PBX1: variants seen among roughly 807,000 people sequenced by gnomAD.
PBX1 encodes pre-B-cell leukemia transcription factor 1.
PBX1 carries 6 observed loss-of-function variants against 53.4 expected under a neutral mutation model. The ratio of observed to expected loss-of-function variants is 0.11; its 90% CI spans 0.06 to 0.22. The LOEUF (loss-of-function observed/expected upper bound fraction) is 0.22, where lower values mean the gene tolerates loss of function less well. PBX1 is among the 10% of genes least tolerant of loss of function. The pLI, the probability that PBX1 is intolerant of heterozygous loss-of-function variation, is 1.00. For missense variants in PBX1, 251 were observed against 551.4 expected (o/e 0.46, Z 5.46); for synonymous variants, 204 against 212.3 (o/e 0.96, Z 0.34).
At chr1:164,786,897 T>A (rs972456396) in intron 2 of PBX1, among the ~76,000 whole-genome samples, 1 of 152,184 alleles carries the variant, frequency 6.6e-6, no homozygotes, top group African/African-American at 2.4e-5. Context: ...TGCTTTGCCT[T>A]TATAATCTTC....
chr1:164,801,956 G>A (rs1669100122), intron 4 of PBX1, among the ~76,000 whole-genome samples: 1 of 152,206 alleles, frequency 6.6e-6, no homozygotes, highest in African/African-American at 2.4e-5. Context: ...CTATAATTGG[G>A]AGAGAGAGCT....
At chr1:164,679,312 G>A (rs557338087) in intron 2 of PBX1, among the ~76,000 whole-genome samples, 16 of 152,142 alleles carry the variant, frequency 1.1e-4, no homozygotes, top group Non-Finnish European at 2.2e-4. Flanking sequence ...TTTGCACTGC[G>A]GAAGGATGAA....
chr1:164,584,232 G>A (rs537123484), intron 2 of PBX1, among the ~76,000 whole-genome samples: 14 of 152,098 alleles, frequency 9.2e-5, no homozygotes, highest in African/African-American at 2.4e-4. Flanking sequence ...AGTGCAGTAC[G>A]GTGCATACCT....
intron 2 of PBX1, among the ~76,000 whole-genome samples, chr1:164,719,077 C>A (rs960945533): frequency 6.6e-6 from 1 of 152,058 alleles, no homozygotes; most frequent in African/African-American, 2.4e-5. Flanking sequence ...GGCAATGACC[C>A]CGTCAGATCT....
intron 2 of PBX1, chr1:164,684,967 C>T (rs1468824587): frequency 1.3e-5 from 2 of 152,216 alleles, no homozygotes; most frequent in African/African-American, 4.8e-5. Context: ...AGAAAATTCA[C>T]TTATAGATAT....
At chr1:164,786,075 C>T (rs1668158415) in intron 2 of PBX1, among the ~76,000 whole-genome samples, 1 of 152,164 alleles carries the variant, frequency 6.6e-6, no homozygotes, top group Non-Finnish European at 1.5e-5. Flanking sequence ...TCTGGTACAA[C>T]TTGTAACTGG....
Position 164,811,970 on chromosome 1 carries a change from C to T in PBX1, c.838-20C>T, listed in dbSNP as rs1669634533. Reference sequence around the variant, plus strand: ...AAGGATGAAATGTGAACTTTCTCATCTTCTCTTAAACTACTCTAGGTATCA... The same window carrying T: ...AAGGATGAAATGTGAACTTTCTCATTTTCTCTTAAACTACTCTAGGTATCA... On this transcript the variant is annotated intron_variant, in intron 5 of 8. Coordinates refer to ENST00000420696, the MANE Select transcript of PBX1 (RefSeq NM_002585.4). 6.3e-7 allele frequency: 1 copy of T among 1,592,468 alleles called. No homozygotes were observed.
At chr1:164,635,327 G>A (rs1036621873) in intron 2 of PBX1, among the ~76,000 whole-genome samples, 3 of 152,008 alleles carry the variant, frequency 2.0e-5, no homozygotes, top group East Asian at 1.9e-4. Flanking sequence ...AGTGGGGGGC[G>A]AGGGGGGAGG....
intron 8 of PBX1, among the ~76,000 whole-genome samples, chr1:164,835,544 G>A (rs1299707159): frequency 6.6e-6 from 1 of 151,870 alleles, no homozygotes; most frequent in African/African-American, 2.4e-5. Context: ...ATTTTAACTT[G>A]TATCCCTTGG....
intron 2 of PBX1, among the ~76,000 whole-genome samples, chr1:164,624,022 C>T (rs1270845759): frequency 2.0e-5 from 3 of 152,092 alleles, no homozygotes; most frequent in East Asian, 1.9e-4. Context: ...GGTGTGAATG[C>T]CTGTGTGTAC....
intron 2 of PBX1, among the ~76,000 whole-genome samples, chr1:164,705,261 A>T (rs1217554087): frequency 6.6e-6 from 1 of 152,194 alleles, no homozygotes; most frequent in Non-Finnish European, 1.5e-5. Flanking sequence ...CCATTCATCT[A>T]TACAGTATTA....
chr1:164,724,112 C>A (rs1428445076), intron 2 of PBX1, among the ~76,000 whole-genome samples: 1 of 152,138 alleles, frequency 6.6e-6, no homozygotes, highest in Non-Finnish European at 1.5e-5. Context: ...CCTTCCCTGG[C>A]CCCAAAAGAA....
At chr1:164,765,531 C>T (rs956931886) in intron 2 of PBX1, among the ~76,000 whole-genome samples, 1 of 152,190 alleles carries the variant, frequency 6.6e-6, no homozygotes, top group Non-Finnish European at 1.5e-5. Flanking sequence ...CTAGTAAACA[C>T]AGGAGAGAAG....
intron 8 of PBX1, among the ~76,000 whole-genome samples, chr1:164,844,597 A>G (rs1223401412): frequency 6.6e-6 from 1 of 152,162 alleles, no homozygotes; most frequent in African/African-American, 2.4e-5. Flanking sequence ...AATTTCCCAA[A>G]TATTAGCGAT....
At chr1:164,866,562 G>A (rs1558052325) in intron 2 of PBX1, among the ~76,000 whole-genome samples, 1 of 152,350 alleles carries the variant, frequency 6.6e-6, no homozygotes. Context: ...GAGATATCAT[G>A]CTGATCCTGA....
chr1:164,741,081 T>C (rs1478733820), intron 2 of PBX1, among the ~76,000 whole-genome samples: 2 of 152,250 alleles, frequency 1.3e-5, no homozygotes, highest in African/African-American at 4.8e-5. Flanking sequence ...CTTGGCACTA[T>C]GTAGGATTAA....
chr1:164,867,615 A>G (rs1466949407), intron 2 of PBX1, among the ~76,000 whole-genome samples: 2 of 152,188 alleles, frequency 1.3e-5, no homozygotes, highest in African/African-American at 4.8e-5. Context: ...CTTTCCCATT[A>G]GCTTGGAGGG....
chr1:164,709,342 G>C (rs925704881), intron 2 of PBX1, among the ~76,000 whole-genome samples: 7 of 152,130 alleles, frequency 4.6e-5, no homozygotes, highest in Non-Finnish European at 8.8e-5. Flanking sequence ...CTCTAGTCTT[G>C]TTCACTCGAA....
chr1:164,737,750 A>G (rs1207060121), intron 2 of PBX1, among the ~76,000 whole-genome samples: 1 of 152,108 alleles, frequency 6.6e-6, no homozygotes, highest in Non-Finnish European at 1.5e-5. Context: ...AAGTGCTGGG[A>G]TTACAGGCGT....
Sources: allele counts gnomAD v4.1 joint callset (sites outside exome capture counted in the v4.1 genomes callset), GRCh38; gene constraint gnomAD v4.1.1; transcripts MANE v1.5; gene names NCBI Gene and HGNC (gene_info 2026-07-23, HGNC 2026-07-21).